The following MECOM variants were observed in gnomAD, a reference collection of about 807,000 sequenced individuals.
The protein encoded by MECOM is MDS1 and EVI1 complex locus.
In MECOM, 13 loss-of-function variants were observed where a neutral mutation model predicts 116.3. The observed-to-expected ratio is 0.11, with a 90% CI of 0.07 to 0.18. The LOEUF is 0.18. Ranked by LOEUF, MECOM falls within the 10% of genes least tolerant of loss-of-function variation. MECOM has a pLI of 1.00. For synonymous variants in MECOM, 528 were observed against 535.2 expected (o/e 0.99, Z 0.19); for missense variants, 1,299 against 1,509.0 (o/e 0.86, Z 2.31).
chr3:169,162,962 T>C (rs974441805), intron 2 of MECOM, among the ~76,000 whole-genome samples: 14 of 152,310 alleles, frequency 9.2e-5, no homozygotes, highest in African/African-American at 1.9e-4. Flanking sequence ...TTTCAGATAA[T>C]GGGTCTTCCT....
chr3:169,113,408 A>G (rs948839495), intron 8 of MECOM, among the ~76,000 whole-genome samples: 2 of 149,962 alleles, frequency 1.3e-5, no homozygotes, highest in African/African-American at 4.9e-5. Flanking sequence ...CATATAGCAT[A>G]ATATATTGAT....
chr3:169,097,177 A>G (rs544910668), intron 12 of MECOM, among the ~76,000 whole-genome samples: 1 of 152,120 alleles, frequency 6.6e-6, no homozygotes, highest in Non-Finnish European at 1.5e-5. Context: ...TACACAAATC[A>G]TGAGGAAGAG....
chr3:169,186,696 T>G (rs568749731), intron 2 of MECOM, among the ~76,000 whole-genome samples: 1 of 152,260 alleles, frequency 6.6e-6, no homozygotes, highest in African/African-American at 2.4e-5. Flanking sequence ...CAAATGACTA[T>G]GTTAAAAATC....
intron 1 of MECOM, among the ~76,000 whole-genome samples, chr3:169,494,323 T>A (rs558672392): frequency 6.6e-6 from 1 of 152,244 alleles, no homozygotes; most frequent in Non-Finnish European, 1.5e-5. Context: ...CAGTTCACAC[T>A]GCCCAGTTCT....
chr3:169,617,291 C>A (rs1171117343), intron 1 of MECOM, among the ~76,000 whole-genome samples: 1 of 152,102 alleles, frequency 6.6e-6, no homozygotes, highest in Non-Finnish European at 1.5e-5. Context: ...AAATCATTTG[C>A]ATAATGAATA....
intron 1 of MECOM, among the ~76,000 whole-genome samples, chr3:169,520,369 C>T (rs1757200530): frequency 6.6e-6 from 1 of 152,222 alleles, no homozygotes; most frequent in African/African-American, 2.4e-5. Flanking sequence ...CAACCTCCCT[C>T]ATCCTTGGAC....
At chr3:169,452,347 TTAAA>T (rs1258776000) in intron 1 of MECOM, among the ~76,000 whole-genome samples, 1 of 152,184 alleles carries the variant, frequency 6.6e-6, no homozygotes. Context: ...ATTTTAAAAA[TTAAA>T]TAAGTTAACA....
chr3:169,144,612 A>AG (rs1739168673), intron 2 of MECOM, among the ~76,000 whole-genome samples: 1 of 152,232 alleles, frequency 6.6e-6, no homozygotes, highest in Non-Finnish European at 1.5e-5. Context: ...GTTAATCATT[A>AG]GTTAGGACAC....
intron 1 of MECOM, among the ~76,000 whole-genome samples, chr3:169,491,469 A>C (rs1753082647): frequency 6.6e-6 from 1 of 152,218 alleles, no homozygotes; most frequent in Non-Finnish European, 1.5e-5. Flanking sequence ...ATTATTTCAC[A>C]AAAGAAAAGG....
At chr3:169,368,700 T>C (rs1729590094) in intron 2 of MECOM, among the ~76,000 whole-genome samples, 1 of 152,038 alleles carries the variant, frequency 6.6e-6, no homozygotes, top group Non-Finnish European at 1.5e-5. Flanking sequence ...GTGGTCTCAA[T>C]TAAGTATTCT....
chr3:169,533,378 C>A lies in MECOM; in HGVS notation c.37+129958G>T, dbSNP rs151316976. Among the ~76,000 whole-genome samples, 537 of 152,220 alleles carry A rather than the reference C, an allele frequency of 3.5e-3. 12 individuals carry two copies. The highest frequency in any genetic ancestry group is 0.031 in the Admixed American group (470 of 15,280). On this transcript the variant is annotated intron_variant, in intron 1 of 16. Coordinates refer to ENST00000651503, the MANE Select transcript of MECOM (RefSeq NM_004991.4). ...TACGATTTATGGTGGGGACTGTTGA[C>A]GGAAAATGTATGGTCTTTTTGATTT...
intron 2 of MECOM, among the ~76,000 whole-genome samples, chr3:169,179,315 C>G (rs1362325106): frequency 2.0e-5 from 3 of 152,180 alleles, no homozygotes; most frequent in African/African-American, 7.2e-5. Context: ...CCTACACTTC[C>G]ACTCTCAATG....
intron 2 of MECOM, among the ~76,000 whole-genome samples, chr3:169,343,408 G>A (rs1014325146): frequency 6.6e-6 from 1 of 152,036 alleles, no homozygotes; most frequent in African/African-American, 2.4e-5. Context: ...TGCAGTGAGT[G>A]GCTCCAGCAT....
chr3:169,116,453 A>T lies in MECOM; in HGVS notation c.1419T>A (p.Asn473Lys). The T allele has an allele frequency of 6.2e-7, 1 of 1,614,146 alleles. No homozygotes were observed. The highest frequency in any genetic ancestry group is 8.5e-7 in the Non-Finnish European group (1 of 1,180,002). ...NPGLADYFGA[N>K]RHPAGLTFPT... ...GAAAGGTAAGACCAGCAGGATGCCTATTGGCGCCAAAATAGTCAGCAAGGC... is the reference window on the plus strand; with the variant it reads ...GAAAGGTAAGACCAGCAGGATGCCTTTTGGCGCCAAAATAGTCAGCAAGGC... Residue 473 changes from asparagine to lysine, a missense_variant, in exon 8 of 17, where the codon AAT becomes AAA. By Grantham distance (94) the Asn-to-Lys change is moderately conservative. This residue lies in a region of MECOM where 238 missense variants were observed against 273.1 expected (regional missense o/e 0.87). Transcript: ENST00000651503.
chr3:169,219,553 G>T (rs1336435803), intron 2 of MECOM, among the ~76,000 whole-genome samples: 1 of 151,938 alleles, frequency 6.6e-6, no homozygotes, highest in African/African-American at 2.4e-5. Context: ...TCATTCCTAG[G>T]TTAGAAGGTA....
intron 2 of MECOM, among the ~76,000 whole-genome samples, chr3:169,288,453 A>G (rs968833810): frequency 2.0e-5 from 3 of 152,182 alleles, no homozygotes; most frequent in African/African-American, 7.2e-5. Flanking sequence ...AAGGTTAAAA[A>G]TGGGCTTTTT....
intron 1 of MECOM, among the ~76,000 whole-genome samples, chr3:169,562,168 G>GAAAAAAAAAAA (rs1762729160): frequency 1.1e-5 from 1 of 93,410 alleles, no homozygotes; most frequent in Non-Finnish European, 2.2e-5. Flanking sequence ...AAAAAGGAAA[G>GAAAAAAAAAAA]AAAGAAAGAA....
At chr3:169,396,700 G>A (rs1735071609) in intron 1 of MECOM, among the ~76,000 whole-genome samples, 1 of 152,198 alleles carries the variant, frequency 6.6e-6, no homozygotes, top group African/African-American at 2.4e-5. Context: ...GCAAGGCATG[G>A]TGGCTCACGC....
intron 1 of MECOM, among the ~76,000 whole-genome samples, chr3:169,505,029 TTC>T (rs1403162628): frequency 2.0e-5 from 3 of 152,208 alleles, no homozygotes; most frequent in Non-Finnish European, 4.4e-5. Flanking sequence ...CACATGACTG[TTC>T]TCTAATATAG....
Sources: allele counts gnomAD v4.1 joint callset (sites outside exome capture counted in the v4.1 genomes callset), GRCh38; gene constraint gnomAD v4.1.1; regional missense constraint gnomAD v4.1.1; transcripts MANE v1.5; gene names NCBI Gene and HGNC (gene_info 2026-07-23, HGNC 2026-07-21).